Variants in DMD observed in about 807,000 individuals in gnomAD.
The protein encoded by DMD is mutant dystrophin.
Under a neutral mutation model 330.1 loss-of-function variants are expected in DMD, and 63 were observed. The ratio of observed to expected loss-of-function variants is 0.19; its 90% CI spans 0.16 to 0.24. DMD has a LOEUF of 0.24. Among genes scored for constraint, DMD ranks in the 10% least tolerant of loss-of-function variants. The probability of loss-of-function intolerance (pLI) is 1.00; values close to 1 mark genes in which losing one functional copy is unlikely to be tolerated. For missense variants in DMD, 3,344 were observed against 2,684.1 expected, an observed-to-expected ratio of 1.25 and a Z score of -5.43; for synonymous variants, 1,223 against 959.8, an observed-to-expected ratio of 1.27 and a Z score of -5.07.
At chrX:31,293,201 T>TGTG (rs1569519848) in intron 62 of DMD, among the ~76,000 whole-genome samples, 1 of 50,154 alleles carries the variant, frequency 2.0e-5, no homozygotes, top group African/African-American at 1.7e-4. Flanking sequence ...TGTAGTCTGG[T>TGTG]TTAGTGTGTG....
intron 1 of DMD, among the ~76,000 whole-genome samples, chrX:33,296,306 G>A (rs778887380): frequency 9.0e-6 from 1 of 110,756 alleles, no homozygotes; most frequent in East Asian, 2.9e-4. Context: ...ATAATAAAAG[G>A]CAGCTTTTTA....
In DMD at chrX:32,239,287, C is replaced by A. The variant is rs372653867; in HGVS notation, c.6291-22224G>T. On this transcript the variant is annotated intron_variant, in intron 43 of 78. Coordinates refer to ENST00000357033, the MANE Select transcript of DMD (RefSeq NM_004006.3). ...TCCATGCTTTTGGCTATTTATACTG[C>A]TTTATGAGATATTTCTTCAAATTTA... Among the ~76,000 whole-genome samples the A allele has an allele frequency of 2.7e-5, 3 of 112,076 alleles. No individual in the cohort carries two copies. The East Asian group carries it at 8.4e-4, about 31-fold the overall frequency.
chrX:32,899,673 CA>C (rs755390925), intron 2 of DMD, among the ~76,000 whole-genome samples: 1,054 of 42,605 alleles, frequency 0.025, 2 homozygotes, highest in South Asian at 0.064. Flanking sequence ...GACTCCGTCT[CA>C]AAAAAAAAAA....
chrX:32,673,592 A>G (rs1207186013), intron 9 of DMD, among the ~76,000 whole-genome samples: 1 of 112,153 alleles, frequency 8.9e-6, no homozygotes, highest in African/African-American at 3.2e-5. Flanking sequence ...GAACAGAGAC[A>G]GGAGAGGCAG....
At chrX:33,062,331 TG>T (rs2094590956) in intron 1 of DMD, among the ~76,000 whole-genome samples, 1 of 111,968 alleles carries the variant, frequency 8.9e-6, no homozygotes, top group Non-Finnish European at 1.9e-5. Flanking sequence ...TCTGAATTCT[TG>T]ATCCAACCTC....
intron 66 of DMD, 100 bp from the exon 67 acceptor site, chrX:31,204,218 T>C (rs1279702908): frequency 3.7e-5 from 27 of 735,709 alleles, no homozygotes; most frequent in Non-Finnish European, 5.6e-5. Context: ...TTCTCAAGAG[T>C]AGCCAGTATT....
intron 7 of DMD, among the ~76,000 whole-genome samples, chrX:32,724,829 T>C (rs2066695315): frequency 8.9e-6 from 1 of 112,142 alleles, no homozygotes; most frequent in South Asian, 3.6e-4. Context: ...AAATTTACAA[T>C]GTTACTGAGA....
chrX:32,086,530 T>C (rs1474182310), intron 44 of DMD, among the ~76,000 whole-genome samples: 1 of 111,305 alleles, frequency 9.0e-6, no homozygotes, highest in Non-Finnish European at 1.9e-5. Flanking sequence ...TTGGCATTCA[T>C]CCTTTGTTGT....
intron 53 of DMD, among the ~76,000 whole-genome samples, chrX:31,676,602 A>G (rs888780925): frequency 4.5e-5 from 5 of 111,636 alleles, no homozygotes; most frequent in African/African-American, 1.6e-4. Context: ...TGTTTTAGCC[A>G]CGTAGACAAT....
chrX:31,553,637 T>C (rs773508504), intron 55 of DMD, among the ~76,000 whole-genome samples: 1 of 112,474 alleles, frequency 8.9e-6, no homozygotes, highest in African/African-American at 3.2e-5. Flanking sequence ...TTCAGTGTGT[T>C]AACAATCATA....
At chrX:33,095,960 C>T (rs1417512073) in intron 1 of DMD, among the ~76,000 whole-genome samples, 1 of 97,310 alleles carries the variant, frequency 1.0e-5, no homozygotes, top group Non-Finnish European at 2.0e-5. Context: ...CTACTTCTTC[C>T]AGAATTTTTT....
chrX:32,640,297 T>C (rs757573697), intron 11 of DMD, among the ~76,000 whole-genome samples: 4 of 107,611 alleles, frequency 3.7e-5, no homozygotes, highest in African/African-American at 1.4e-4. Flanking sequence ...TTCAGAGGTA[T>C]GTCAGCCTCA....
chrX:32,373,030 T>C (rs2097885699), intron 34 of DMD, among the ~76,000 whole-genome samples: 1 of 110,561 alleles, frequency 9.0e-6, no homozygotes, highest in South Asian at 3.9e-4. Flanking sequence ...AGTTCTCCCA[T>C]TCTTTCTCTG....
chrX:32,062,999 C>G (rs1230056183), intron 44 of DMD, among the ~76,000 whole-genome samples: 1 of 110,693 alleles, frequency 9.0e-6, no homozygotes, highest in Admixed American at 9.6e-5. Flanking sequence ...TTAATTCTGA[C>G]AAAGCTTGAG....
chrX:32,567,384 G>A (rs1457326998), intron 15 of DMD, among the ~76,000 whole-genome samples: 1 of 111,671 alleles, frequency 9.0e-6, no homozygotes. Context: ...TGGGGGTTTA[G>A]CAATAGGTAG....
chrX:32,867,362 G>C (rs979879245), intron 2 of DMD, among the ~76,000 whole-genome samples: 5 of 111,902 alleles, frequency 4.5e-5, no homozygotes, highest in Non-Finnish European at 9.4e-5. Context: ...CCTTTAGTTA[G>C]TGTTTCTAGA....
intron 56 of DMD, among the ~76,000 whole-genome samples, chrX:31,504,044 T>A (rs1268697269): frequency 1.8e-5 from 2 of 111,017 alleles, no homozygotes; most frequent in Admixed American, 9.7e-5. Context: ...TAGTACATAG[T>A]AGGCATTCAT....
chrX:32,747,775 G>A, intron 7 of DMD, among the ~76,000 whole-genome samples: 1 of 110,602 alleles, frequency 9.0e-6, no homozygotes, highest in African/African-American at 3.3e-5. Context: ...CAACATGCCG[G>A]GGAGGAATCC....
intron 34 of DMD, among the ~76,000 whole-genome samples, chrX:32,367,386 T>C (rs755525439): frequency 8.9e-6 from 1 of 112,294 alleles, no homozygotes; most frequent in African/African-American, 3.2e-5. Flanking sequence ...TCTACTGGCA[T>C]CTCGCTGTAG....
Sources: gnomAD v4.1 joint callset for allele counts (sites outside exome capture counted in the v4.1 genomes callset) on GRCh38, gnomAD v4.1.1 for gene constraint, MANE v1.5 for transcripts, NCBI Gene and HGNC (gene_info 2026-07-23, HGNC 2026-07-21) for gene names.